The following ADHFE1 variants were observed in gnomAD, a reference collection of about 807,000 sequenced individuals.
The protein encoded by ADHFE1 is alcohol dehydrogenase iron containing 1.
A neutral mutation model predicts 54.8 loss-of-function variants in ADHFE1; 37 were observed. That is an observed-to-expected ratio of 0.68 (90% CI 0.52 to 0.89). The LOEUF is 0.89. ADHFE1 is among the 40% of genes least tolerant of loss of function. The pLI is 0.00. For missense variants in ADHFE1, 601 were observed against 591.2 expected, an observed-to-expected ratio of 1.02 and a Z score of -0.17; for synonymous variants, 203 against 229.3, an observed-to-expected ratio of 0.89 and a Z score of 1.04.
At chr8:66,432,655 C>A (rs1419479810) in intron 1 of ADHFE1, 80 bp downstream of exon 1, 4 of 1,242,356 alleles carry the variant, frequency 3.2e-6, no homozygotes, top group Non-Finnish European at 4.0e-6. Context: ...TCAGATCCTG[C>A]GCAGTCTTCT....
intron 11 of ADHFE1, 79 bp downstream of exon 11, chr8:66,456,974 C>T (rs1285244060): frequency 2.0e-6 from 3 of 1,469,598 alleles, no homozygotes; most frequent in Non-Finnish European, 2.7e-6. Flanking sequence ...CAATTCTCGC[C>T]TGCTTAGAGT....
intron 1 of ADHFE1, 58 bp downstream of exon 1, chr8:66,432,633 G>C: frequency 7.9e-7 from 1 of 1,268,642 alleles, no homozygotes. Context: ...CAGCCCCCTG[G>C]GTGTGACCCG....
intron 13 of ADHFE1, among the ~76,000 whole-genome samples, chr8:66,461,925 AC>A (rs1806919816): frequency 6.6e-6 from 1 of 152,100 alleles, no homozygotes; most frequent in Non-Finnish European, 1.5e-5. Flanking sequence ...TAACCCACAA[AC>A]CCTTAATTCT....
At chr8:66,463,942 G>T (rs903930586) in intron 13 of ADHFE1, among the ~76,000 whole-genome samples, 3 of 152,172 alleles carry the variant, frequency 2.0e-5, no homozygotes, top group Non-Finnish European at 4.4e-5. Context: ...AGGCTGCAAG[G>T]GGAGCAGGCA....
chr8:66,455,838 C>A (rs77048547), intron 10 of ADHFE1, among the ~76,000 whole-genome samples: 118 of 152,164 alleles, frequency 7.8e-4, no homozygotes, highest in African/African-American at 2.7e-3. Flanking sequence ...TCTCAGCCAC[C>A]CTGAGGCAGG....
At chr8:66,466,758 G>A (rs1473288409) in intron 13 of ADHFE1, among the ~76,000 whole-genome samples, 4 of 152,234 alleles carry the variant, frequency 2.6e-5, no homozygotes, top group African/African-American at 9.6e-5. Flanking sequence ...CACGGGGAAA[G>A]TGTGGAGAGA....
intron 13 of ADHFE1, among the ~76,000 whole-genome samples, chr8:66,467,010 G>A (rs1807225941): frequency 7.7e-6 from 1 of 129,638 alleles, no homozygotes. Context: ...AGGAATGGTA[G>A]GATTCAGTTT....
At chr8:66,446,484 C>A (rs1331654736) in intron 6 of ADHFE1, among the ~76,000 whole-genome samples, 1 of 152,244 alleles carries the variant, frequency 6.6e-6, no homozygotes, top group Non-Finnish European at 1.5e-5. Flanking sequence ...CCAGAGCTCA[C>A]TGCTATTAAT....
chr8:66,445,617 T>C (rs1018080385), intron 6 of ADHFE1, among the ~76,000 whole-genome samples: 2 of 152,148 alleles, frequency 1.3e-5, no homozygotes, highest in Admixed American at 6.5e-5. Context: ...TTGGGGTCAG[T>C]GGAAGGAAAG....
At chr8:66,465,666 C>A (rs1225611755) in intron 13 of ADHFE1, among the ~76,000 whole-genome samples, 1 of 152,120 alleles carries the variant, frequency 6.6e-6, no homozygotes, top group Non-Finnish European at 1.5e-5. Context: ...GTGGTGCAAT[C>A]TTGGCTCACT....
Position 66,460,570 on chromosome 8 carries a change from C to G in ADHFE1, c.1320+105C>G, listed in dbSNP as rs1806843873. ...AGCAGGGATGGAAACCAGGGCTCCCCGGTGGTTCTCGGGTCTCCTCCACAG... is the reference window on the plus strand; with the variant it reads ...AGCAGGGATGGAAACCAGGGCTCCCGGGTGGTTCTCGGGTCTCCTCCACAG... On this transcript the variant is annotated intron_variant, in intron 13 of 13. Transcript: ENST00000396623. 9.4e-6 allele frequency: 13 copies of G among 1,375,810 alleles called. No homozygotes were observed. In the South Asian group the frequency reaches 1.7e-4, roughly 18 times the overall value. 85.2% of individuals were successfully genotyped at this position (1,375,810 alleles called of 1,614,324 possible).
intron 1 of ADHFE1, among the ~76,000 whole-genome samples, chr8:66,436,199 G>A (rs1293719827): frequency 6.6e-6 from 1 of 152,134 alleles, no homozygotes; most frequent in African/African-American, 2.4e-5. Flanking sequence ...TTACAGGTGT[G>A]AACCACTGTG....
At chr8:66,454,189 C>T (rs1392648542) in intron 10 of ADHFE1, 32 bp downstream of exon 10, 1 of 1,602,864 alleles carries the variant, frequency 6.2e-7, no homozygotes, top group East Asian at 2.2e-5. Context: ...TTTCTTTACT[C>T]AAGCTATTGC....
chr8:66,467,998 T>A (rs145695846), intron 13 of ADHFE1, among the ~76,000 whole-genome samples: 31 of 152,286 alleles, frequency 2.0e-4, no homozygotes, highest in African/African-American at 5.8e-4. Context: ...ATAAGGGTGT[T>A]TTCCCCAAGA....
rs1805613040 is a variant in ADHFE1 at position 66,439,084 on chromosome 8, A to G, written c.60-1078A>G. On this transcript the variant is annotated intron_variant, in intron 1 of 13. Transcript: ENST00000396623. This position sits in a 1 kb window ranked among gnomAD's most constrained non-coding sequence, Gnocchi z 4.4. ...CTCTCCCCCGGCGCGCGCGTCGGGAACCACTAGATGGCAGCCGCGACTCGC... is the reference window on the plus strand; with the variant it reads ...CTCTCCCCCGGCGCGCGCGTCGGGAGCCACTAGATGGCAGCCGCGACTCGC... Among the ~76,000 whole-genome samples, 1 of 151,916 alleles carries G rather than the reference A, an allele frequency of 6.6e-6. No individual in the cohort carries two copies. The highest frequency in any genetic ancestry group is 1.5e-5 in the Non-Finnish European group (1 of 67,966).
chr8:66,444,277 C>G (rs764672648), intron 3 of ADHFE1, 90 bp from the exon 4 acceptor site: 9 of 1,225,108 alleles, frequency 7.3e-6, no homozygotes, highest in Non-Finnish European at 1.1e-5. Flanking sequence ...ACTTTATGCT[C>G]TAGGCAACAA....
intron 7 of ADHFE1, among the ~76,000 whole-genome samples, chr8:66,448,210 G>C (rs952808970): frequency 6.6e-6 from 1 of 152,060 alleles, no homozygotes; most frequent in Admixed American, 6.5e-5. Context: ...TCAGATCTTC[G>C]TAGCAGAATA....
rs531656836 is a variant in ADHFE1 at position 66,457,196 on chromosome 8, C to T, written c.1162+30C>T. The T allele has an allele frequency of 1.9e-5, 30 of 1,593,494 alleles. No individual in the cohort carries two copies. In the Admixed American group the frequency reaches 2.2e-4, roughly 12 times the overall value. On this transcript the variant is annotated intron_variant, in intron 12 of 13. Coordinates refer to ENST00000396623, the MANE Select transcript of ADHFE1 (RefSeq NM_144650.3). ...GAACCATTACTCAAAATTCTGTGAC[C>T]GGCCAGGCACGGTGGCTCCCATCTG...
chr8:66,448,527 C>A (rs1030421), intron 7 of ADHFE1, among the ~76,000 whole-genome samples: 80,133 of 151,900 alleles, frequency 0.53, 22,061 homozygotes, highest in African/African-American at 0.67. Context: ...GGCTCTCTGG[C>A]ATTTAATAAT....
Sources: allele counts gnomAD v4.1 joint callset (sites outside exome capture counted in the v4.1 genomes callset), GRCh38; gene constraint gnomAD v4.1.1; non-coding constraint Gnocchi (gnomAD v3.1); transcripts MANE v1.5; gene names NCBI Gene and HGNC (gene_info 2026-07-23, HGNC 2026-07-21).